Variants in HNRNPF observed in about 807,000 individuals in gnomAD.
The protein encoded by HNRNPF is HnRNP F protein.
A neutral mutation model predicts 26.0 loss-of-function variants in HNRNPF; 2 were observed. The ratio of observed to expected loss-of-function variants is 0.08; its 90% CI spans 0.03 to 0.24. The LOEUF is 0.24. HNRNPF is among the 10% of genes least tolerant of loss of function. The pLI, the probability that HNRNPF is intolerant of heterozygous loss-of-function variation, is 1.00. For missense variants in HNRNPF, 299 were observed against 539.2 expected (o/e 0.55, Z 4.41); for synonymous variants, 234 against 211.5 (o/e 1.11, Z -0.92).
chr10:43,387,117 G>C lies in HNRNPF; in HGVS notation c.768C>G (p.Thr256=). Residue 256 remains threonine (T), a synonymous_variant, in exon 4 of 4, where the codon ACC becomes ACG. Coordinates refer to ENST00000682386, the MANE Select transcript of HNRNPF (RefSeq NM_001098204.2). This position sits in a 1 kb window ranked among gnomAD's most constrained non-coding sequence, Gnocchi z 6.0. ...YSGLSDGYGF[T]TDLFGRDLSY... is the part of the protein sequence containing the mutation. ...TGAGGTCTCTCCCGAACAGGTCGGT[G>C]GTGAAGCCGTAGCCATCACTGAGGC... is the stretch of plus-strand genomic sequence containing the variant. 1 of 1,613,858 alleles carries C rather than the reference G, an allele frequency of 6.2e-7. No individual in the cohort carries two copies. Among genetic ancestry groups the C allele is most frequent in the South Asian group, 1.1e-5 (1 of 91,082 alleles).
intron 3 of HNRNPF, among the ~76,000 whole-genome samples, chr10:43,391,169 T>A (rs997844029): frequency 2.6e-5 from 4 of 152,140 alleles, no homozygotes; most frequent in African/African-American, 7.2e-5. Context: ...GGTGGGCACC[T>A]GTAGTCCCAG....
intron 1 of HNRNPF, chr10:43,396,877 G>A (rs1332209374): frequency 2.1e-5 from 3 of 140,258 alleles, no homozygotes; most frequent in Non-Finnish European, 3.1e-5. Flanking sequence ...CCGGAGGGAA[G>A]GGCGCCTCGC....
chr10:43,395,195 T>C (rs569832173), intron 2 of HNRNPF, among the ~76,000 whole-genome samples: 1 of 152,242 alleles, frequency 6.6e-6, no homozygotes, highest in African/African-American at 2.4e-5. Flanking sequence ...GGACTTGACC[T>C]TAAGACCCCT....
At chr10:43,397,837 A>G (rs1167538602) in intron 1 of HNRNPF, among the ~76,000 whole-genome samples, 1 of 152,134 alleles carries the variant, frequency 6.6e-6, no homozygotes, top group African/African-American at 2.4e-5. Context: ...TCTTTAAAAG[A>G]CCCTTTTTAG....
At position 43,390,942 on chromosome 10, in the gene HNRNPF, G is replaced by A. The variant is rs144272168; in HGVS notation, c.-52-3006C>T. Among the ~76,000 whole-genome samples the A allele has an allele frequency of 4.5e-4, 69 of 152,098 alleles. 1 individual carries two copies. The East Asian group carries it at 7.9e-3, about 17-fold the overall frequency. ...CCCTCCACCTCCAGTTCTGACAACC[G>A]AATGTCTCCAGACATTCCCAAATGT... On this transcript the variant is annotated intron_variant, in intron 3 of 3. Coordinates refer to ENST00000682386, the MANE Select transcript of HNRNPF (RefSeq NM_001098204.2).
At chr10:43,408,674 G>GAC (rs1839008118) in intron 1 of HNRNPF, 1 of 151,018 alleles carries the variant, frequency 6.6e-6, no homozygotes, top group Non-Finnish European at 1.5e-5. Context: ...CCCGGTCCCC[G>GAC]CTAGGTCCCG....
At chr10:43,400,146 G>C (rs779056375) in intron 1 of HNRNPF, among the ~76,000 whole-genome samples, 2 of 152,052 alleles carry the variant, frequency 1.3e-5, no homozygotes, top group Non-Finnish European at 1.5e-5. Context: ...AAGAGAGTTC[G>C]AGACCAGCCT....
intron 3 of HNRNPF, among the ~76,000 whole-genome samples, chr10:43,394,061 T>C (rs910065604): frequency 6.6e-6 from 1 of 152,172 alleles, no homozygotes; most frequent in Non-Finnish European, 1.5e-5. Context: ...AAACCCACAA[T>C]AGGAGCCTAC....
At chr10:43,397,014 G>A (rs894573483) in intron 1 of HNRNPF, among the ~76,000 whole-genome samples, 2 of 151,818 alleles carry the variant, frequency 1.3e-5, no homozygotes, top group South Asian at 4.2e-4. Flanking sequence ...AGCTAGCGCT[G>A]CCTAGGCGGG....
intron 2 of HNRNPF, among the ~76,000 whole-genome samples, chr10:43,395,356 A>G (rs1291852985): frequency 6.6e-6 from 1 of 152,246 alleles, no homozygotes; most frequent in Non-Finnish European, 1.5e-5. Context: ...ATGCTTCACT[A>G]GAACATACAT....
chr10:43,386,514 C>A lies in HNRNPF; in HGVS notation c.*123G>T, dbSNP rs1564392143. 2.1e-6 allele frequency: 2 copies of A among 950,742 alleles called. No homozygotes were observed. Among genetic ancestry groups the A allele is most frequent in the Non-Finnish European group, 3.0e-6 (2 of 667,414 alleles). The allele number at this position is 950,742 out of a possible 1,614,324, so 58.9% of individuals were successfully genotyped here. A position where few individuals can be genotyped will look rare whatever the true frequency, so the allele number is the denominator to read the frequency against. On this transcript the variant is annotated 3_prime_UTR_variant, in exon 4 of 4. Coordinates refer to ENST00000682386, the MANE Select transcript of HNRNPF (RefSeq NM_001098204.2). ...AACACTGAAGAGGTAATTTTTTAAT[C>A]CAGATTTTTCACAAACTCATGGTGC...
In HNRNPF at chr10:43,386,348, G is replaced by A. The variant is rs1229328831; in HGVS notation, c.*289C>T. ...GTGTTCACTGTGATGTGGTGTAAAA[G>A]ATCCACATTTAACATACTTAAACTA... On this transcript the variant is annotated 3_prime_UTR_variant, in exon 4 of 4. Transcript: ENST00000682386. 1 of 292,524 alleles carries A rather than the reference G, an allele frequency of 3.4e-6. No homozygotes were observed. Among genetic ancestry groups the A allele is most frequent in the Non-Finnish European group, 6.3e-6 (1 of 158,994 alleles). 18.1% of individuals were successfully genotyped at this position (292,524 alleles called of 1,614,324 possible).
intron 1 of HNRNPF, among the ~76,000 whole-genome samples, chr10:43,407,213 C>G (rs1312691611): frequency 1.3e-5 from 2 of 151,302 alleles, no homozygotes; most frequent in African/African-American, 4.8e-5. Flanking sequence ...GCCCGCCCCG[C>G]GCGGTTCCGG....
At chr10:43,394,488 C>G (rs1339479219) in intron 3 of HNRNPF, 142 bp downstream of exon 3, 5 of 152,150 alleles carry the variant, frequency 3.3e-5, no homozygotes, top group Non-Finnish European at 7.3e-5. Flanking sequence ...AACTAAAACT[C>G]AAGCTGAAAA....
At position 43,385,768 on chromosome 10, in the gene HNRNPF, C is replaced by A. The variant is rs1287076481; in HGVS notation, c.*869G>T. 6.6e-6 allele frequency: 1 copy of A among 152,220 alleles called. No individual in the cohort carries two copies. Among genetic ancestry groups the A allele is most frequent in the Non-Finnish European group, 1.5e-5 (1 of 68,036 alleles). The allele number at this position is 152,220 out of a possible 1,614,324, so 9.4% of individuals were successfully genotyped here. A position where few individuals can be genotyped will look rare whatever the true frequency, so the allele number is the denominator to read the frequency against. On this transcript the variant is annotated 3_prime_UTR_variant, in exon 4 of 4. Transcript: ENST00000682386. ...ATTCTGAATGGTTTACAACAGTGCA[C>A]ATAAGTTGCAGGTGGCTGGGGCCGT...
intron 1 of HNRNPF, among the ~76,000 whole-genome samples, chr10:43,399,746 T>C (rs2131984544): frequency 6.6e-6 from 1 of 152,298 alleles, no homozygotes. Flanking sequence ...TGACTGAGTC[T>C]GGAGACTGAC....
At position 43,408,233 on chromosome 10, in the gene HNRNPF, CCCCGCCAGGGGG is replaced by C. The variant is rs1564400974; in HGVS notation, c.-247+886_-247+897del. Among the ~76,000 whole-genome samples the C allele has an allele frequency of 2.0e-5, 3 of 152,332 alleles. No homozygotes were observed. In the East Asian group the frequency reaches 5.8e-4, roughly 29 times the overall value. On this transcript the variant is annotated intron_variant, in intron 1 of 3. Transcript: ENST00000682386. ...CAGAGCCCTCCGGCAGTCGCCAGCT[CCCCGCCAGGGGG>C]CCGGACTAACGCACCCGGCCGTCCG...
intron 1 of HNRNPF, among the ~76,000 whole-genome samples, chr10:43,407,494 C>T (rs1589002963): frequency 6.6e-6 from 1 of 152,018 alleles, no homozygotes; most frequent in African/African-American, 2.4e-5. Context: ...GGGGGGAGGG[C>T]GAGTCGGGTG....
rs1485530627 is a variant in HNRNPF at position 43,387,768 on chromosome 10, C to T, written c.117G>A (p.Gly39=). 3 of 1,613,510 alleles carry T rather than the reference C, an allele frequency of 1.9e-6. No homozygotes were observed. Among genetic ancestry groups the T allele is most frequent in the Non-Finnish European group, 2.5e-6 (3 of 1,179,856 alleles). The change falls in exon 4 of 4, where the codon GGG becomes GGA. Residue 39 remains glycine (G), a synonymous_variant. Transcript: ENST00000682386. This position sits in a 1 kb window ranked among gnomAD's most constrained non-coding sequence, Gnocchi z 6.0. The part of the protein sequence containing the change: ...NFLSDCTIHD[G]AAGVHFIYTR... ...TGTAGATGAAATGGACACCTGCGGC[C>T]CCATCATGAATCGTGCAGTCAGAGA... is the stretch of plus-strand genomic sequence containing the variant.
Sources: gnomAD v4.1 joint callset for allele counts (sites outside exome capture counted in the v4.1 genomes callset) on GRCh38, gnomAD v4.1.1 for gene constraint, Gnocchi (gnomAD v3.1) non-coding constraint, MANE v1.5 for transcripts, NCBI Gene and HGNC (gene_info 2026-07-23, HGNC 2026-07-21) for gene names.